The following KCNT1 variants were observed in gnomAD, a reference collection of about 807,000 sequenced individuals.
The protein encoded by KCNT1 is potassium sodium-activated channel subfamily T member 1.
Under a neutral mutation model 147.8 loss-of-function variants are expected in KCNT1, and 78 were observed. The ratio of observed to expected loss-of-function variants is 0.53; its 90% CI spans 0.44 to 0.64. The LOEUF (loss-of-function observed/expected upper bound fraction) is 0.64, where lower values mean the gene tolerates loss of function less well. Ranked by LOEUF, KCNT1 falls within the 30% of genes least tolerant of loss-of-function variation. The pLI, the probability that KCNT1 is intolerant of heterozygous loss-of-function variation, is 0.00. For missense variants in KCNT1, 1,419 were observed against 1,750.3 expected (o/e 0.81, Z 3.38); for synonymous variants, 867 against 748.8 (o/e 1.16, Z -2.58).
At chr9:135,713,195 T>C (rs989464461) in intron 1 of KCNT1, among the ~76,000 whole-genome samples, 15 of 152,244 alleles carry the variant, frequency 9.9e-5, no homozygotes, top group African/African-American at 3.6e-4. Context: ...ATCAAGAAAA[T>C]AGAGCCCCGA....
chr9:135,753,821 C>A (rs887947573), intron 4 of KCNT1, 116 bp from the exon 5 acceptor site: 2 of 1,029,036 alleles, frequency 1.9e-6, no homozygotes, highest in African/African-American at 3.1e-5. Flanking sequence ...GGGTTAGCCC[C>A]GGGTGGGTGA....
chr9:135,750,792 G>A (rs953686823), intron 3 of KCNT1, 150 bp from the exon 4 acceptor site: 30 of 684,592 alleles, frequency 4.4e-5, no homozygotes, highest in South Asian at 2.4e-4. Flanking sequence ...CCCAAACAAC[G>A]CAGGGCACAC....
At chr9:135,770,174 A>C in intron 16 of KCNT1, 119 bp downstream of exon 16, 1 of 1,395,422 alleles carries the variant, frequency 7.2e-7, no homozygotes, top group Non-Finnish European at 9.7e-7. Flanking sequence ...TGGCGGGCAA[A>C]AGTCCTGCAT....
At chr9:135,729,959 T>C (rs1052990048) in intron 2 of KCNT1, among the ~76,000 whole-genome samples, 1 of 152,162 alleles carries the variant, frequency 6.6e-6, no homozygotes, top group Non-Finnish European at 1.5e-5. Context: ...CCTCTGTGGC[T>C]CTTGGCCCCC....
intron 13 of KCNT1, among the ~76,000 whole-genome samples, chr9:135,767,462 T>C (rs749718229): frequency 6.6e-6 from 1 of 152,070 alleles, no homozygotes; most frequent in Non-Finnish European, 1.5e-5. Flanking sequence ...CAGCTGGGCT[T>C]TCAGGAGACC....
Position 135,722,668 on chromosome 9 carries a change from G to A in KCNT1, c.254+7948G>A, listed in dbSNP as rs575340459. Among the ~76,000 whole-genome samples, 53 of 152,366 alleles carry A rather than the reference G, an allele frequency of 3.5e-4. No homozygotes were observed. The South Asian group carries it at 9.1e-3, about 26-fold the overall frequency. Reference sequence around the variant, plus strand: ...GCTGGAAGCCCAGGATCAAGGCGCCGGCGGACCAGGCTCCTGGTGAGAGCA... The same window carrying A: ...GCTGGAAGCCCAGGATCAAGGCGCCAGCGGACCAGGCTCCTGGTGAGAGCA... On this transcript the variant is annotated intron_variant, in intron 2 of 30. Coordinates refer to ENST00000371757, the MANE Select transcript of KCNT1 (RefSeq NM_020822.3).
At chr9:135,791,955 G>C (rs1016429628) in intron 30 of KCNT1, 74 bp downstream of exon 30, 15 of 1,610,408 alleles carry the variant, frequency 9.3e-6, no homozygotes, top group Non-Finnish European at 1.2e-5. Flanking sequence ...GAGGCCACAG[G>C]CACCACAGTG....
Position 135,779,477 on chromosome 9 carries a change from A to G in KCNT1, c.2841+7A>G. 1 of 1,594,294 alleles carries G rather than the reference A, an allele frequency of 6.3e-7. No individual in the cohort carries two copies. Among genetic ancestry groups the G allele is most frequent in the Non-Finnish European group, 8.6e-7 (1 of 1,162,290 alleles). On this transcript the variant is annotated splice_region_variant and intron_variant, in intron 24 of 30. Coordinates refer to ENST00000371757, the MANE Select transcript of KCNT1 (RefSeq NM_020822.3). ...TCTTTCCAAACTAGAAAAGGTGAGC[A>G]GCCCTGCCCCGTGCCAGCTGCCACC...
chr9:135,775,070 G>A (rs1213820884), intron 19 of KCNT1, among the ~76,000 whole-genome samples: 1 of 152,210 alleles, frequency 6.6e-6, no homozygotes, highest in Non-Finnish European at 1.5e-5. Context: ...ACTGGGTCCT[G>A]GGTGCCAAGG....
Position 135,792,207 on chromosome 9 carries a change from G to T in KCNT1, c.*46G>T. ...AGGCCACCAAGCCCGGGGTCCTCAG[G>T]AAGGACGTGGAGGAGCGTGTGAGGA... On this transcript the variant is annotated 3_prime_UTR_variant, in exon 31 of 31. Coordinates refer to ENST00000371757, the MANE Select transcript of KCNT1 (RefSeq NM_020822.3). 1 of 1,582,760 alleles carries T rather than the reference G, an allele frequency of 6.3e-7. No individual in the cohort carries two copies. The highest frequency in any genetic ancestry group is 1.7e-4 in the Middle Eastern group (1 of 5,968).
chr9:135,772,735 C>A lies in KCNT1; in HGVS notation c.2029C>A (p.Gln677Lys). ...TCCAGGGACAGTGGCCATGGACCTG[C>A]AGGGCACAGAGCACCGGCCTACGCA... The part of the protein sequence containing the change: ...ASMGTVAMDL[Q>K]GTEHRPTQSG... Residue 677 changes from glutamine to lysine, a missense_variant, in exon 19 of 31, where the codon CAG becomes AAG. Gln to Lys is a moderately conservative substitution (Grantham distance 53). Transcript: ENST00000371757. 7.0e-7 allele frequency: 1 copy of A among 1,421,806 alleles called. No homozygotes were observed. The highest frequency in any genetic ancestry group is 1.6e-5 in the South Asian group (1 of 64,100). 88.1% of individuals were successfully genotyped at this position (1,421,806 alleles called of 1,614,324 possible). A position where few individuals can be genotyped will look rare whatever the true frequency, so the allele number is the denominator to read the frequency against.
chr9:135,720,973 A>G (rs1190747946), intron 2 of KCNT1, among the ~76,000 whole-genome samples: 1 of 152,194 alleles, frequency 6.6e-6, no homozygotes, highest in Non-Finnish European at 1.5e-5. Context: ...GGCCTGACCC[A>G]AAGGTGAGGG....
At chr9:135,769,665 T>C (rs762738676) in intron 15 of KCNT1, among the ~76,000 whole-genome samples, 51 of 152,036 alleles carry the variant, frequency 3.4e-4, no homozygotes, top group Middle Eastern at 3.4e-3. Context: ...AGGGCCCACA[T>C]GGAGTGCCCA....
chr9:135,782,672 C>A (rs1310285296), intron 24 of KCNT1, among the ~76,000 whole-genome samples: 1 of 152,030 alleles, frequency 6.6e-6, no homozygotes, highest in African/African-American at 2.4e-5. Context: ...TTTCCTTCCA[C>A]GTCTCTCTCT....
At chr9:135,737,650 G>A (rs527392004) in intron 2 of KCNT1, among the ~76,000 whole-genome samples, 23 of 152,314 alleles carry the variant, frequency 1.5e-4, no homozygotes, top group Admixed American at 8.5e-4. Flanking sequence ...TCCAGGTAGC[G>A]GAAGCAGTGA....
chr9:135,785,754 G>A (rs947276903), intron 28 of KCNT1: 32 of 440,472 alleles, frequency 7.3e-5, no homozygotes, highest in South Asian at 4.3e-4. Context: ...CCCCAGGTTC[G>A]GGGCCTCCAA....
At chr9:135,728,276 C>T (rs1836296538) in intron 2 of KCNT1, among the ~76,000 whole-genome samples, 1 of 152,334 alleles carries the variant, frequency 6.6e-6, no homozygotes, top group Admixed American at 6.5e-5. Context: ...TTGCTTCAAG[C>T]CCCCCGCTGT....
chr9:135,781,951 T>C (rs1833640683), intron 24 of KCNT1, among the ~76,000 whole-genome samples: 1 of 152,194 alleles, frequency 6.6e-6, no homozygotes, highest in Admixed American at 6.5e-5. Context: ...CGGTGGCTCA[T>C]GCCTGTAATC....
Position 135,759,787 on chromosome 9 carries a change from G to A in KCNT1, c.963G>A (p.Thr321=), listed in dbSNP as rs760300415. The change falls in exon 11 of 31, where the codon ACG becomes ACA. Residue 321 remains threonine (T), a synonymous_variant. Coordinates refer to ENST00000371757, the MANE Select transcript of KCNT1 (RefSeq NM_020822.3). ...CCACCGTGGGCTACGGTGACGTCAC[G>A]CCCAAGATCTGGCCATCGCAGCTGC... ...TFSTVGYGDV[T]PKIWPSQLLV... is the part of the protein sequence containing the mutation. 1.9e-4 allele frequency: 302 copies of A among 1,613,376 alleles called. 1 individual carries two copies. Among genetic ancestry groups the A allele is most frequent in the Non-Finnish European group, 2.4e-4 (280 of 1,179,844 alleles).
Sources: allele counts gnomAD v4.1 joint callset (sites outside exome capture counted in the v4.1 genomes callset), GRCh38; gene constraint gnomAD v4.1.1; transcripts MANE v1.5; gene names NCBI Gene and HGNC (gene_info 2026-07-23, HGNC 2026-07-21).